The following PECR variants were observed in gnomAD, a reference collection of about 807,000 sequenced individuals.
The protein encoded by PECR is peroxisomal trans-2-enoyl-CoA reductase, also known as 2,4-dienoyl-CoA reductase-related protein.
A neutral mutation model predicts 35.3 loss-of-function variants in PECR; 30 were observed. The ratio of observed to expected loss-of-function variants is 0.85; its 90% CI spans 0.64 to 1.15. PECR has a LOEUF of 1.15. PECR is among the 50% of genes most tolerant of loss of function. The probability of loss-of-function intolerance (pLI) is 0.00; values close to 1 mark genes in which losing one functional copy is unlikely to be tolerated. For missense variants in PECR, 392 were observed against 370.8 expected (o/e 1.06, Z -0.47); for synonymous variants, 148 against 138.9 (o/e 1.07, Z -0.46).
intron 4 of PECR, among the ~76,000 whole-genome samples, chr2:216,056,744 G>C (rs1177714107): frequency 6.8e-6 from 1 of 146,372 alleles, no homozygotes; most frequent in Non-Finnish European, 1.5e-5. Flanking sequence ...AAAAAAAAAG[G>C]AAAGAAAGAA....
chr2:216,073,056 A>G (rs1165003818), intron 1 of PECR, among the ~76,000 whole-genome samples: 1 of 152,216 alleles, frequency 6.6e-6, no homozygotes, highest in African/African-American at 2.4e-5. Flanking sequence ...CTCGTGTGCA[A>G]TCTGAGGGTT....
chr2:216,030,636 AG>A (rs1202853372), intron 7 of PECR, among the ~76,000 whole-genome samples: 2 of 151,706 alleles, frequency 1.3e-5, no homozygotes, highest in Middle Eastern at 3.2e-3. Flanking sequence ...CTCCGCCCCC[AG>A]GTTCAAGCGA....
At chr2:216,056,191 G>A (rs1695222255) in intron 4 of PECR, among the ~76,000 whole-genome samples, 1 of 151,960 alleles carries the variant, frequency 6.6e-6, no homozygotes, top group Admixed American at 6.6e-5. Flanking sequence ...TACCTGTACT[G>A]GTCAAGTAAA....
chr2:216,074,488 G>A (rs1159648733), intron 1 of PECR, among the ~76,000 whole-genome samples: 1 of 133,384 alleles, frequency 7.5e-6, no homozygotes, highest in South Asian at 2.5e-4. Flanking sequence ...GAGAAAGAAA[G>A]AAAAAAAGGA....
chr2:216,053,964 G>A (rs1695173002), intron 4 of PECR, among the ~76,000 whole-genome samples: 1 of 151,980 alleles, frequency 6.6e-6, no homozygotes, highest in South Asian at 2.1e-4. Flanking sequence ...GTTCTATTTG[G>A]ATGACCTTTA....
At chr2:216,049,521 T>C (rs1695063249) in intron 5 of PECR, 148 bp from the exon 6 acceptor site, 4 of 565,998 alleles carry the variant, frequency 7.1e-6, no homozygotes, top group Non-Finnish European at 1.3e-5. Flanking sequence ...ATTTCCTCCA[T>C]GTTGTCAAAG....
intron 2 of PECR, among the ~76,000 whole-genome samples, chr2:216,065,739 C>T (rs1374679626): frequency 1.3e-5 from 2 of 152,232 alleles, no homozygotes; most frequent in African/African-American, 4.8e-5. Context: ...CTGGAACACC[C>T]TTGAGTAGGG....
chr2:216,077,926 C>T (rs990823635), intron 1 of PECR, among the ~76,000 whole-genome samples: 8 of 150,512 alleles, frequency 5.3e-5, no homozygotes, highest in Non-Finnish European at 1.0e-4. Context: ...AAATTGTCTT[C>T]GTCTTTTAAA....
At chr2:216,052,712 T>C (rs977195913) in intron 4 of PECR, among the ~76,000 whole-genome samples, 26 of 152,242 alleles carry the variant, frequency 1.7e-4, no homozygotes, top group African/African-American at 6.0e-4. Flanking sequence ...CTGGGGTTTG[T>C]TGAGCTTCTT....
At chr2:216,060,381 G>C (rs944649962) in intron 3 of PECR, among the ~76,000 whole-genome samples, 1 of 152,140 alleles carries the variant, frequency 6.6e-6, no homozygotes, top group Non-Finnish European at 1.5e-5. Flanking sequence ...ATCATTCCCG[G>C]CTAGGAGTGG....
chr2:216,045,314 TCAAA>T (rs1335701918), intron 6 of PECR, among the ~76,000 whole-genome samples: 2 of 152,198 alleles, frequency 1.3e-5, no homozygotes, highest in African/African-American at 2.4e-5. Context: ...AGTCGCCTAC[TCAAA>T]CACTTTCAGT....
intron 7 of PECR, among the ~76,000 whole-genome samples, chr2:216,029,514 G>A (rs1694647967): frequency 6.6e-6 from 1 of 152,176 alleles, no homozygotes; most frequent in Non-Finnish European, 1.5e-5. Flanking sequence ...GACGACAAAG[G>A]CAAAATGATA....
intron 7 of PECR, among the ~76,000 whole-genome samples, chr2:216,031,955 T>A (rs1252063322): frequency 6.6e-6 from 1 of 152,220 alleles, no homozygotes; most frequent in Non-Finnish European, 1.5e-5. Flanking sequence ...TCATCAAGGA[T>A]TTTTAAAAGG....
At chr2:216,064,778 T>C (rs1202183794) in intron 3 of PECR, among the ~76,000 whole-genome samples, 1 of 152,186 alleles carries the variant, frequency 6.6e-6, no homozygotes, top group Non-Finnish European at 1.5e-5. Context: ...GATAGGGTTG[T>C]ACTTGTTCTG....
At chr2:216,051,262 G>A (rs1405533428) in intron 5 of PECR, among the ~76,000 whole-genome samples, 187 bp downstream of exon 5, 7 of 139,172 alleles carry the variant, frequency 5.0e-5, no homozygotes, top group Non-Finnish European at 1.1e-4. Context: ...CTCCGGCCTG[G>A]GCGACAGAGA....
chr2:216,042,438 A>G lies in PECR; in HGVS notation c.826+1466T>C, dbSNP rs530976489. Among the ~76,000 whole-genome samples the G allele has an allele frequency of 2.0e-5, 3 of 152,350 alleles. 1 individual carries two copies. Among genetic ancestry groups the G allele is most frequent in the African/African-American group, 7.2e-5 (3 of 41,588 alleles). On this transcript the variant is annotated intron_variant, in intron 7 of 7. Coordinates refer to ENST00000265322, the MANE Select transcript of PECR (RefSeq NM_018441.6). ...AGAGTACGTAGACCCTGGGTCCTTG[A>G]TATGAAATTCAGATTCACCTGGGTT...
intron 4 of PECR, among the ~76,000 whole-genome samples, chr2:216,056,112 T>G (rs1159165261): frequency 6.6e-6 from 1 of 152,142 alleles, no homozygotes; most frequent in East Asian, 1.9e-4. Context: ...CCCCTACTAG[T>G]TGTAGACTCC....
chr2:216,074,521 G>GAAGGAAGGAAGGAAGGAAGGAAGGAAGA (rs1695652709), intron 1 of PECR, among the ~76,000 whole-genome samples: 1 of 131,542 alleles, frequency 7.6e-6, no homozygotes, highest in Non-Finnish European at 1.5e-5. Context: ...AGGAAGGAAG[G>GAAGGAAGGAAGGAAGGAAGGAAGGAAGA]AAGGAAGGAA....
rs1384068201 is a variant in PECR at position 216,038,459 on chromosome 2, A to G, written c.*816T>C. The G allele has an allele frequency of 6.6e-6, 1 of 152,268 alleles. No homozygotes were observed. Among genetic ancestry groups the G allele is most frequent in the African/African-American group, 2.4e-5 (1 of 41,480 alleles). 9.4% of individuals were successfully genotyped at this position (152,268 alleles called of 1,614,324 possible). On this transcript the variant is annotated 3_prime_UTR_variant, in exon 8 of 8. Transcript: ENST00000265322. ...TTTGACTTCATAAACAAAAGAAACT[A>G]TACATCAATAATTACCATAAGGCAT... is the stretch of plus-strand genomic sequence containing the variant.
Sources: allele counts gnomAD v4.1 joint callset (sites outside exome capture counted in the v4.1 genomes callset), GRCh38; gene constraint gnomAD v4.1.1; transcripts MANE v1.5; gene names NCBI Gene and HGNC (gene_info 2026-07-23, HGNC 2026-07-21).